The following TF variants were observed in gnomAD, a reference collection of about 807,000 sequenced individuals.
TF encodes the protein serotransferrin.
Under a neutral mutation model 82.4 loss-of-function variants are expected in TF, and 55 were observed. The observed-to-expected ratio is 0.67, with a 90% CI of 0.54 to 0.84. TF has a LOEUF of 0.84. Ranked by LOEUF, TF falls within the 40% of genes least tolerant of loss-of-function variation. The pLI is 0.00. For missense variants in TF, 737 were observed against 868.4 expected, an observed-to-expected ratio of 0.85 and a Z score of 1.90; for synonymous variants, 332 against 332.6, an observed-to-expected ratio of 1.00 and a Z score of 0.02.
chr3:133,728,040 G>A, the TF span, among the ~76,000 whole-genome samples: 1 of 152,192 alleles, frequency 6.6e-6, no homozygotes, highest in Non-Finnish European at 1.5e-5. Context: ...TGTCTGACGG[G>A]CTTCCCTTTG....
the TF span, among the ~76,000 whole-genome samples, chr3:133,728,831 T>C: frequency 6.6e-6 from 1 of 152,230 alleles, no homozygotes; most frequent in Non-Finnish European, 1.5e-5. Context: ...GATGGGTTTT[T>C]GGTGTGGATG....
In TF at chr3:133,768,156, C is replaced by T. The variant is rs8177286; in HGVS notation, c.1614C>T (p.Gly538=). The stretch of plus-strand genomic sequence containing the variant: ...AAGAGGGATACTACGGCTACACAGG[C>T]GCTTTCAGGTGAGTCTTTTAACCCT... ...NNKEGYYGYT[G]AFRCLVEKGD... The change falls in exon 13 of 17, where the codon GGC becomes GGT. Residue 538 remains glycine (G), a synonymous_variant. Transcript: ENST00000402696. The T allele has an allele frequency of 2.1e-3, 3,406 of 1,614,156 alleles. 71 individuals are homozygous for T. The African/African-American group carries it at 0.039, about 19-fold the overall frequency.
intron 2 of TF, among the ~76,000 whole-genome samples, chr3:133,750,445 C>G (rs899964217): frequency 3.3e-5 from 3 of 91,396 alleles, no homozygotes; most frequent in Non-Finnish European, 2.1e-5. Flanking sequence ...CCTCAATCCC[C>G]GCGCTGGGGT....
In TF at chr3:133,775,629, C is replaced by G. The variant is rs764628136; in HGVS notation, c.1872+12C>G. 1.2e-6 allele frequency: 2 copies of G among 1,613,262 alleles called. No homozygotes were observed. Among genetic ancestry groups the G allele is most frequent in the Non-Finnish European group, 1.7e-6 (2 of 1,179,744 alleles). On this transcript the variant is annotated intron_variant, in intron 15 of 16. Transcript: ENST00000402696. ...TACGTCAACAGCAGGTATGGACCAGCCAGGTCCTCCCACCTTTTCTTCCTA... is the reference window on the plus strand; with the variant it reads ...TACGTCAACAGCAGGTATGGACCAGGCAGGTCCTCCCACCTTTTCTTCCTA...
At chr3:133,756,753 G>A in intron 6 of TF, 78 bp from the exon 7 acceptor site, 1 of 1,561,544 alleles carries the variant, frequency 6.4e-7, no homozygotes, top group South Asian at 1.1e-5. Flanking sequence ...TACTTTCTAT[G>A]ATCAATTGAA....
chr3:133,668,435 C>A, the TF span, among the ~76,000 whole-genome samples: 4 of 152,150 alleles, frequency 2.6e-5, no homozygotes, highest in East Asian at 7.7e-4. Flanking sequence ...TCAGAACCCC[C>A]AATCGAGAGC....
the TF span, among the ~76,000 whole-genome samples, chr3:133,737,033 A>G: frequency 6.6e-6 from 1 of 152,210 alleles, no homozygotes; most frequent in Non-Finnish European, 1.5e-5. Context: ...TCAGCACCAC[A>G]TCGCACTTAT....
chr3:133,750,683 CTT>C (rs1933636878), intron 2 of TF, among the ~76,000 whole-genome samples: 3 of 152,170 alleles, frequency 2.0e-5, no homozygotes, highest in African/African-American at 7.2e-5. Flanking sequence ...CCAGTGATTT[CTT>C]GGTGTCTTGG....
At chr3:133,755,576 G>A (rs41295753) in intron 5 of TF, 81 bp downstream of exon 5, 31 of 1,591,886 alleles carry the variant, frequency 1.9e-5, no homozygotes, top group Middle Eastern at 1.7e-4. Flanking sequence ...GTCCAAAGCC[G>A]AGCCCTGCCT....
rs41298977 is a variant in TF at position 133,753,605 on chromosome 3, C to T, written c.227C>T (p.Ala76Val). The T allele has an allele frequency of 1.7e-4, 271 of 1,614,062 alleles. 1 individual carries two copies. The East Asian group carries it at 4.3e-3, about 25-fold the overall frequency. ...CCTGTTCTCTTTCAGGCAAACGAAG[C>T]GGATGCTGTGACACTGGATGCAGGT... ...DCIRAIAANEADAVTLDAGLV... is the reference protein window; with the variant it reads ...DCIRAIAANEVDAVTLDAGLV... Residue 76 changes from alanine to valine, a missense_variant, in exon 3 of 17, where the codon GCG (alanine) becomes GTG (valine). By Grantham distance (64) the Ala-to-Val change is moderately conservative (BLOSUM62 0). Coordinates refer to ENST00000402696, the MANE Select transcript of TF (RefSeq NM_001063.4).
the TF span, chr3:133,709,681 T>C: frequency 1.9e-5 from 3 of 154,228 alleles, no homozygotes; most frequent in African/African-American, 7.2e-5. Context: ...GAGTATGTTC[T>C]GGGAGGTGTT....
the TF span, among the ~76,000 whole-genome samples, chr3:133,739,175 T>C: frequency 6.6e-6 from 1 of 152,220 alleles, no homozygotes; most frequent in African/African-American, 2.4e-5. Context: ...TCTACAACCA[T>C]CTGATCTTTG....
At chr3:133,699,725 T>C in the TF span, 1 of 410,204 alleles carries the variant, frequency 2.4e-6, no homozygotes, top group Non-Finnish European at 4.8e-6. Context: ...AGTCCTGGTA[T>C]GTTCAGGGTA....
the TF span, among the ~76,000 whole-genome samples, chr3:133,682,456 C>A: frequency 6.6e-6 from 1 of 152,022 alleles, no homozygotes; most frequent in Admixed American, 6.6e-5. Context: ...AGCTAAAAAC[C>A]TTGAAAAAAG....
chr3:133,707,798 A>G, the TF span: 1 of 152,362 alleles, frequency 6.6e-6, no homozygotes, highest in East Asian at 1.9e-4. Flanking sequence ...CAATTCAGTT[A>G]TATAGTATTG....
the TF span, among the ~76,000 whole-genome samples, chr3:133,732,985 C>A: frequency 6.6e-6 from 1 of 152,198 alleles, no homozygotes; most frequent in Non-Finnish European, 1.5e-5. Flanking sequence ...GGGCCAGGAT[C>A]TTCTCTTGTC....
the TF span, among the ~76,000 whole-genome samples, chr3:133,662,988 A>G: frequency 6.6e-6 from 1 of 152,198 alleles, no homozygotes; most frequent in Non-Finnish European, 1.5e-5. Context: ...GCCAAACTTT[A>G]GTCAGACTCC....
chr3:133,736,277 C>G, the TF span, among the ~76,000 whole-genome samples: 1 of 152,156 alleles, frequency 6.6e-6, no homozygotes. Context: ...CACCACCAGG[C>G]CTGCCTTACA....
the TF span, among the ~76,000 whole-genome samples, chr3:133,679,456 C>T: frequency 6.6e-6 from 1 of 152,052 alleles, no homozygotes; most frequent in Admixed American, 6.5e-5. Context: ...ATGACATTTT[C>T]ATCACCCGCA....
Sources: gnomAD v4.1 joint callset for allele counts (sites outside exome capture counted in the v4.1 genomes callset) on GRCh38, gnomAD v4.1.1 for gene constraint, MANE v1.5 for transcripts, NCBI Gene and HGNC (gene_info 2026-07-23, HGNC 2026-07-21) for gene names.